The following FAR1 variants were observed in gnomAD, a reference collection of about 807,000 sequenced individuals.
FAR1 encodes the protein fatty acyl-CoA reductase 1, also known as male sterility domain-containing protein 2.
Under a neutral mutation model 61.1 loss-of-function variants are expected in FAR1, and 22 were observed. The observed-to-expected ratio is 0.36, with a 90% CI of 0.26 to 0.51. The LOEUF (loss-of-function observed/expected upper bound fraction) is 0.51, where lower values mean the gene tolerates loss of function less well. Ranked by LOEUF, FAR1 falls within the 20% of genes least tolerant of loss-of-function variation. The pLI, the probability that FAR1 is intolerant of heterozygous loss-of-function variation, is 0.95. For missense variants in FAR1, 359 were observed against 626.9 expected (o/e 0.57, Z 4.56); for synonymous variants, 206 against 209.7 (o/e 0.98, Z 0.15).
chr11:13,672,233 C>T (rs1848013074), intron 1 of FAR1, among the ~76,000 whole-genome samples: 1 of 152,034 alleles, frequency 6.6e-6, no homozygotes, highest in African/African-American at 2.4e-5. Flanking sequence ...GGTATGACCC[C>T]TTGTAATGTT....
At chr11:13,715,330 G>T (rs186701821) in intron 9 of FAR1, among the ~76,000 whole-genome samples, 4 of 152,068 alleles carry the variant, frequency 2.6e-5, no homozygotes, top group African/African-American at 9.7e-5. Context: ...GGATCACATC[G>T]TATTGGGTCG....
Position 13,694,755 on chromosome 11 carries a change from T to G in FAR1, c.-7-4T>G. 2 of 1,600,888 alleles carry G rather than the reference T, an allele frequency of 1.2e-6. No individual in the cohort carries two copies. The highest frequency in any genetic ancestry group is 1.7e-6 in the Non-Finnish European group (2 of 1,173,920). Reference sequence around the variant, plus strand: ...CTAATGCTTATTTGCCATGTTTTTCTTAGGATCAAAATGGTTTCAATCCCA... The same window carrying G: ...CTAATGCTTATTTGCCATGTTTTTCGTAGGATCAAAATGGTTTCAATCCCA... On this transcript the variant is annotated splice_polypyrimidine_tract_variant and splice_region_variant and intron_variant, in intron 1 of 11. Coordinates refer to ENST00000354817, the MANE Select transcript of FAR1 (RefSeq NM_032228.6).
intron 2 of FAR1, among the ~76,000 whole-genome samples, chr11:13,697,430 C>A (rs974984594): frequency 2.6e-5 from 4 of 151,416 alleles, no homozygotes; most frequent in Non-Finnish European, 4.4e-5. Context: ...CCACTGCACT[C>A]CAGCATGGGT....
chr11:13,676,771 C>G (rs1370144087), intron 1 of FAR1, among the ~76,000 whole-genome samples: 1 of 152,136 alleles, frequency 6.6e-6, no homozygotes, highest in African/African-American at 2.4e-5. Context: ...ACAGACTGTT[C>G]GAAGTTCAGT....
chr11:13,712,999 A>C lies in FAR1; in HGVS notation c.921A>C (p.Thr307=). The change falls in exon 8 of 12, where the codon ACA becomes ACC. Residue 307 remains threonine, a synonymous_variant. Coordinates refer to ENST00000354817, the MANE Select transcript of FAR1 (RefSeq NM_032228.6). The part of the protein sequence containing the change: ...PRNIMVYNCT[T]GSTNPFHWGE... ...ACATCATGGTGTATAATTGTACAAC[A>C]GGCAGCACTAATCCTTTCCACTGGG... 1 of 1,613,248 alleles carries C rather than the reference A, an allele frequency of 6.2e-7. No homozygotes were observed. Among genetic ancestry groups the C allele is most frequent in the Non-Finnish European group, 8.5e-7 (1 of 1,179,330 alleles).
intron 7 of FAR1, among the ~76,000 whole-genome samples, chr11:13,712,492 TC>T (rs1471064042): frequency 6.6e-6 from 1 of 152,034 alleles, no homozygotes; most frequent in East Asian, 1.9e-4. Context: ...ACTTTAAACT[TC>T]CCAATAACTT....
intron 1 of FAR1, among the ~76,000 whole-genome samples, chr11:13,691,595 T>C (rs1466969472): frequency 2.0e-5 from 3 of 152,242 alleles, no homozygotes; most frequent in Admixed American, 1.3e-4. Context: ...GTATCTGTTA[T>C]GGATATTTCA....
chr11:13,711,894 A>G (rs1848503112), intron 6 of FAR1, 34 bp from the exon 7 acceptor site: 1 of 1,579,392 alleles, frequency 6.3e-7, no homozygotes, highest in Admixed American at 1.7e-5. Context: ...TATGGCTTAT[A>G]TATCTTAAGG....
chr11:13,709,495 A>G (rs1164353807), intron 4 of FAR1, among the ~76,000 whole-genome samples: 1 of 152,164 alleles, frequency 6.6e-6, no homozygotes, highest in Non-Finnish European at 1.5e-5. Flanking sequence ...CTAATGCTGT[A>G]TCTCCTTTCC....
chr11:13,709,937 C>T (rs1235032193), intron 4 of FAR1, among the ~76,000 whole-genome samples: 1 of 151,982 alleles, frequency 6.6e-6, no homozygotes, highest in East Asian at 1.9e-4. Flanking sequence ...CCATGGACAC[C>T]ACCTAGTATA....
At chr11:13,674,678 G>T (rs895920151) in intron 1 of FAR1, among the ~76,000 whole-genome samples, 5 of 152,170 alleles carry the variant, frequency 3.3e-5, no homozygotes, top group African/African-American at 1.2e-4. Flanking sequence ...ATCTTAGGAA[G>T]CAGGGACCCA....
chr11:13,711,679 AT>A, intron 5 of FAR1, 84 bp from the exon 6 acceptor site: 1 of 992,798 alleles, frequency 1.0e-6, no homozygotes, highest in Non-Finnish European at 1.6e-6. Context: ...CCAAGTATAT[AT>A]TTGGGGTTGT....
intron 10 of FAR1, among the ~76,000 whole-genome samples, chr11:13,726,801 C>T (rs1848671287): frequency 1.3e-5 from 2 of 150,782 alleles, no homozygotes; most frequent in African/African-American, 2.4e-5. Context: ...AAAATGTTTC[C>T]TAAGTCTTCA....
At chr11:13,695,024 G>A (rs1434923190) in intron 2 of FAR1, 70 bp downstream of exon 2, 23 of 1,241,276 alleles carry the variant, frequency 1.9e-5, no homozygotes, top group East Asian at 1.0e-4. Flanking sequence ...TATTGTAGTC[G>A]TCAATAGCTT....
rs1049760304 is a variant in FAR1 at position 13,732,288 on chromosome 11, G to A, written c.*3514G>A. 3 of 152,044 alleles carry A rather than the reference G, an allele frequency of 2.0e-5. No homozygotes were observed. The highest frequency in any genetic ancestry group is 7.2e-5 in the African/African-American group (3 of 41,400). The allele number at this position is 152,044 out of a possible 1,614,324, so 9.4% of individuals were successfully genotyped here. A position where few individuals can be genotyped will look rare whatever the true frequency, so the allele number is the denominator to read the frequency against. ...AAATCATCTTTGTCAGTTAAGTATAGTTGCGCAAAAATTGTTAAATCCTTT... is the reference window on the plus strand; with the variant it reads ...AAATCATCTTTGTCAGTTAAGTATAATTGCGCAAAAATTGTTAAATCCTTT... On this transcript the variant is annotated 3_prime_UTR_variant, in exon 12 of 12. Transcript: ENST00000354817.
In FAR1 at chr11:13,729,964, G is replaced by C. The variant is rs545959380; in HGVS notation, c.*1190G>C. On this transcript the variant is annotated 3_prime_UTR_variant, in exon 12 of 12. Transcript: ENST00000354817. ...CTTATTTTTTATGCATGTGATTTTA[G>C]CTTTAGAAAGAAATGCGTTATAGAA... The C allele has an allele frequency of 6.6e-6, 1 of 152,362 alleles. No homozygotes were observed. The highest frequency in any genetic ancestry group is 6.6e-5 in the Admixed American group (1 of 15,232). The allele number at this position is 152,362 out of a possible 1,614,324, so 9.4% of individuals were successfully genotyped here.
chr11:13,707,849 A>G (rs1458710058), intron 3 of FAR1, 51 bp from the exon 4 acceptor site: 13 of 1,340,942 alleles, frequency 9.7e-6, no homozygotes, highest in Non-Finnish European at 1.1e-5. Flanking sequence ...TTTAACAGGT[A>G]AAATAACATA....
At chr11:13,724,374 T>A (rs549795158) in intron 10 of FAR1, among the ~76,000 whole-genome samples, 3 of 151,074 alleles carry the variant, frequency 2.0e-5, no homozygotes, top group African/African-American at 7.3e-5. Flanking sequence ...AGTGAGACCC[T>A]CTCTCTACAG....
chr11:13,685,906 T>A (rs1485281160), intron 1 of FAR1, among the ~76,000 whole-genome samples: 2 of 152,214 alleles, frequency 1.3e-5, no homozygotes, highest in African/African-American at 4.8e-5. Context: ...AGACTGCTGT[T>A]GTTTCCTCCT....
Sources: allele counts gnomAD v4.1 joint callset (sites outside exome capture counted in the v4.1 genomes callset), GRCh38; gene constraint gnomAD v4.1.1; transcripts MANE v1.5; gene names NCBI Gene and HGNC (gene_info 2026-07-23, HGNC 2026-07-21).